The following MICU1 variants were observed in gnomAD, a reference collection of about 807,000 sequenced individuals.
MICU1 encodes the protein calcium uptake protein 1, mitochondrial.
In MICU1, 45 loss-of-function variants were observed where a neutral mutation model predicts 56.8. The observed-to-expected ratio is 0.79, with a 90% confidence interval of 0.62 to 1.02. MICU1 has a LOEUF of 1.02. MICU1 is among the 50% of genes least tolerant of loss of function. The pLI is 0.00. For missense variants in MICU1, 504 were observed against 587.1 expected, an observed-to-expected ratio of 0.86 and a Z score of 1.46; for synonymous variants, 186 against 195.1, an observed-to-expected ratio of 0.95 and a Z score of 0.39.
At chr10:72,441,365 C>G (rs1213779861) in intron 8 of MICU1, among the ~76,000 whole-genome samples, 1 of 149,058 alleles carries the variant, frequency 6.7e-6, no homozygotes, top group East Asian at 2.0e-4. Context: ...AATGAGGTCA[C>G]TTGAACAGGG....
chr10:72,505,271 G>T (rs1172509011), intron 6 of MICU1, among the ~76,000 whole-genome samples: 3 of 152,022 alleles, frequency 2.0e-5, no homozygotes, highest in Non-Finnish European at 2.9e-5. Context: ...GAGCTACCAT[G>T]CCCAGCCTAG....
At chr10:72,516,896 A>G (rs1416302495) in intron 5 of MICU1, among the ~76,000 whole-genome samples, 1 of 152,114 alleles carries the variant, frequency 6.6e-6, no homozygotes, top group Admixed American at 6.6e-5. Context: ...AGAGGGAGAG[A>G]AGTTACTTGT....
At chr10:72,529,241 T>C (rs1321104088) in intron 5 of MICU1, among the ~76,000 whole-genome samples, 3 of 152,150 alleles carry the variant, frequency 2.0e-5, no homozygotes, top group Non-Finnish European at 4.4e-5. Context: ...GAGGGGACTG[T>C]AGTTACAAAT....
chr10:72,395,160 T>C (rs529566852), intron 10 of MICU1, among the ~76,000 whole-genome samples: 8 of 151,970 alleles, frequency 5.3e-5, no homozygotes, highest in African/African-American at 1.4e-4. Flanking sequence ...GCCTGGGCAA[T>C]AGAGTGAGAC....
chr10:72,583,384 G>A (rs769296383), intron 1 of MICU1, among the ~76,000 whole-genome samples: 6 of 151,706 alleles, frequency 4.0e-5, no homozygotes, highest in Admixed American at 6.6e-5. Context: ...AGGTTCAAGC[G>A]ATTCTCCTGC....
intron 10 of MICU1, among the ~76,000 whole-genome samples, chr10:72,403,631 G>C (rs1028776798): frequency 3.5e-5 from 4 of 115,290 alleles, no homozygotes; most frequent in African/African-American, 1.8e-4. Context: ...TACCAAAATT[G>C]TGTGTGTGTG....
rs553425879 is a variant in MICU1 at position 72,614,100 on chromosome 10, A to C, written c.-2+11910T>G. ...AGAGGTTGCAGTGAGCTGAGATTAC[A>C]CCATTGCACTCCAGCCTGGGCAACA... On this transcript the variant is annotated intron_variant, in intron 1 of 11. Transcript: ENST00000361114. Among the ~76,000 whole-genome samples the C allele has an allele frequency of 3.3e-5, 5 of 152,174 alleles. No homozygotes were observed. The South Asian group carries it at 1.0e-3, about 32-fold the overall frequency.
Position 72,569,229 on chromosome 10 carries a change from A to ATTTTTT in MICU1, c.-1-2436_-1-2435insAAAAAA, listed in dbSNP as rs1246062078. On this transcript the variant is annotated intron_variant, in intron 1 of 11. Coordinates refer to ENST00000361114, the MANE Select transcript of MICU1 (RefSeq NM_001195518.2). ...TGCATATATATATATATATATATAT[A>ATTTTTT]TATATATATTTTTTTTTTTTTTTGA... is the stretch of plus-strand genomic sequence containing the variant. Among the ~76,000 whole-genome samples the ATTTTTT allele has an allele frequency of 4.5e-3, 170 of 37,688 alleles. 6 individuals are homozygous for ATTTTTT. Among genetic ancestry groups the ATTTTTT allele is most frequent in the African/African-American group, 6.9e-3 (68 of 9,814 alleles). The allele number at this position is 37,688 out of a possible 152,430, so 24.7% of individuals were successfully genotyped here. A position where few individuals can be genotyped will look rare whatever the true frequency, so the allele number is the denominator to read the frequency against.
intron 4 of MICU1, among the ~76,000 whole-genome samples, chr10:72,534,510 ATAAT>A (rs1375824615): frequency 1.3e-5 from 2 of 152,198 alleles, no homozygotes; most frequent in Non-Finnish European, 1.5e-5. Flanking sequence ...TACGGATATA[ATAAT>A]TAACATTACA....
rs1842049346 is a variant in MICU1 at position 72,619,350 on chromosome 10, C to A, written c.-2+6660G>T. Among the ~76,000 whole-genome samples the A allele has an allele frequency of 5.3e-5, 8 of 152,290 alleles. 1 individual carries two copies. In the South Asian group the frequency reaches 1.7e-3, roughly 32 times the overall value. On this transcript the variant is annotated intron_variant, in intron 1 of 11. Coordinates refer to ENST00000361114, the MANE Select transcript of MICU1 (RefSeq NM_001195518.2). Reference sequence around the variant, plus strand: ...GTCCCAGCTACTCGGGAGGCTGAGGCAGGAGAACGGTGTGAACCCAGGAGG... The same window carrying A: ...GTCCCAGCTACTCGGGAGGCTGAGGAAGGAGAACGGTGTGAACCCAGGAGG...
At chr10:72,503,865 GACACACAC>G (rs59119352) in intron 6 of MICU1, among the ~76,000 whole-genome samples, 3,084 of 146,372 alleles carry the variant, frequency 0.021, 45 homozygotes, top group Non-Finnish European at 0.028. Context: ...ATTTACAATA[GACACACAC>G]ACACACACAC....
chr10:72,490,486 A>C (rs1470645020), intron 6 of MICU1, among the ~76,000 whole-genome samples: 1 of 152,204 alleles, frequency 6.6e-6, no homozygotes, highest in African/African-American at 2.4e-5. Context: ...AGAGGCTGAT[A>C]CTACCTGTGG....
chr10:72,386,726 A>AT (rs1204999760), intron 10 of MICU1, among the ~76,000 whole-genome samples: 1 of 151,776 alleles, frequency 6.6e-6, no homozygotes, highest in African/African-American at 2.4e-5. Context: ...TGCCTGGCTA[A>AT]TTTTAAAGTA....
At chr10:72,514,817 T>G (rs1399272181) in intron 5 of MICU1, among the ~76,000 whole-genome samples, 4 of 152,194 alleles carry the variant, frequency 2.6e-5, no homozygotes, top group Non-Finnish European at 5.9e-5. Context: ...TGAACATTCA[T>G]TCAACCCTAA....
intron 6 of MICU1, among the ~76,000 whole-genome samples, chr10:72,486,224 C>A (rs193212573): frequency 1.3e-5 from 2 of 151,984 alleles, no homozygotes; most frequent in African/African-American, 4.8e-5. Context: ...TGGAAAGGAA[C>A]TAAAGGCATA....
intron 6 of MICU1, among the ~76,000 whole-genome samples, chr10:72,486,873 G>A (rs549355819): frequency 1.3e-5 from 2 of 152,144 alleles, no homozygotes; most frequent in African/African-American, 4.8e-5. Flanking sequence ...AAAAAAATTT[G>A]CACCAAAATA....
At position 72,392,563 on chromosome 10, in the gene MICU1, C is replaced by T. The variant is rs554601221; in HGVS notation, c.1180+15366G>A. 1.5e-4 allele frequency among the ~76,000 whole-genome samples: 22 copies of T among 147,746 alleles called. No homozygotes were observed. In the South Asian group the frequency reaches 4.4e-3, roughly 29 times the overall value. On this transcript the variant is annotated intron_variant, in intron 10 of 11. Coordinates refer to ENST00000361114, the MANE Select transcript of MICU1 (RefSeq NM_001195518.2). ...TCCAGTCTGGGTGACAGAGTGAGAC[C>T]CTGTCTCAAAAAAATTAAAAAAATA...
chr10:72,432,728 G>T (rs1416027995), intron 8 of MICU1, among the ~76,000 whole-genome samples: 2 of 152,092 alleles, frequency 1.3e-5, no homozygotes, highest in Non-Finnish European at 2.9e-5. Flanking sequence ...CTATGGGGAC[G>T]GCACCAGGCC....
At chr10:72,506,863 T>A (rs556010072) in intron 6 of MICU1, among the ~76,000 whole-genome samples, 1 of 152,262 alleles carries the variant, frequency 6.6e-6, no homozygotes, top group African/African-American at 2.4e-5. Flanking sequence ...TATTTTGGAT[T>A]TTCATAACAA....
Sources: allele counts gnomAD v4.1 joint callset (sites outside exome capture counted in the v4.1 genomes callset), GRCh38; gene constraint gnomAD v4.1.1; transcripts MANE v1.5; gene names NCBI Gene and HGNC (gene_info 2026-07-23, HGNC 2026-07-21).